RNASEH2C: variants seen among roughly 807,000 people sequenced by gnomAD.
RNASEH2C encodes the protein RNase H1 small subunit.
A neutral mutation model predicts 16.3 loss-of-function variants in RNASEH2C; 20 were observed. The ratio of observed to expected loss-of-function variants is 1.23; its 90% CI spans 0.86 to 1.79. The LOEUF is 1.79. Among genes scored for constraint, RNASEH2C ranks in the 40% most tolerant of loss-of-function variants. RNASEH2C has a pLI of 0.00. For synonymous variants in RNASEH2C, 106 were observed against 98.9 expected (o/e 1.07, Z -0.43); for missense variants, 296 against 235.9 (o/e 1.25, Z -1.67).
In RNASEH2C at chr11:65,719,322, G is replaced by C. The variant is rs1857317221; in HGVS notation, c.*461C>G. The C allele has an allele frequency of 3.8e-6, 4 of 1,044,108 alleles. No homozygotes were observed. The highest frequency in any genetic ancestry group is 4.1e-6 in the Non-Finnish European group (3 of 737,914). The allele number at this position is 1,044,108 out of a possible 1,614,324, so 64.7% of individuals were successfully genotyped here. On this transcript the variant is annotated 3_prime_UTR_variant, in exon 4 of 4. Transcript: ENST00000308418. ...CAAAAAGGAGAGGACAGGCCTGGCA[G>C]GGGCCCACTGGTGCCCAGCACCAAG...
chr11:65,720,507 T>TCCCCAGGAG, intron 1 of RNASEH2C, 80 bp downstream of exon 1: 1 of 1,570,632 alleles, frequency 6.4e-7, no homozygotes, highest in Non-Finnish European at 8.6e-7. Context: ...CGGACCACGA[T>TCCCCAGGAG]CCCCAGGAGC....
Position 65,719,657 on chromosome 11 carries a change from G to T in RNASEH2C, c.*126C>A. On this transcript the variant is annotated 3_prime_UTR_variant, in exon 4 of 4. Transcript: ENST00000308418. The stretch of plus-strand genomic sequence containing the variant: ...GGGGAAAGGGCCCATGCTGGCTTAG[G>T]GGCTCTAAGGCGCCCAGACTCACAG... 2 of 985,176 alleles carry T rather than the reference G, an allele frequency of 2.0e-6. No individual in the cohort carries two copies. The highest frequency in any genetic ancestry group is 1.3e-5 in the South Asian group (1 of 77,248). The allele number at this position is 985,176 out of a possible 1,614,324, so 61.0% of individuals were successfully genotyped here.
Position 65,720,683 on chromosome 11 carries a change from G to T in RNASEH2C, c.76C>A (p.Pro26Thr). Residue 26 changes from proline to threonine, a missense_variant, in exon 1 of 4, where the codon CCC (proline) becomes ACC (threonine). Physicochemically the swap from Pro to Thr is conservative, Grantham distance 38. Transcript: ENST00000308418. ...CAGGGCAGCAGATGCAGTGTGGCGG[G>T]TACGGCGTCGCGCAATGTGGCGGAG... ...LRSATLRDAV[P>T]ATLHLLPCEV... The T allele has an allele frequency of 2.5e-6, 4 of 1,589,288 alleles. No individual in the cohort carries two copies. The highest frequency in any genetic ancestry group is 3.4e-6 in the Non-Finnish European group (4 of 1,170,798).
chr11:65,720,249 C>T lies in RNASEH2C; in HGVS notation c.341G>A (p.Arg114Gln). The change falls in exon 2 of 4, where the codon CGG becomes CAG. Residue 114 changes from arginine to glutamine, a missense_variant. Physicochemically the swap from Arg to Gln is conservative, Grantham distance 43 (BLOSUM62 1). Coordinates refer to ENST00000308418, the MANE Select transcript of RNASEH2C (RefSeq NM_032193.4). ...CCCTATCCCTTTGCTCACGAAGTCC[C>T]GCTCCAGCGGCTCCTCCTCTTGGTC... ...TDDQEEEPLE[R>Q]DFDRFIGATA... The T allele has an allele frequency of 3.7e-6, 6 of 1,614,266 alleles. No individual in the cohort carries two copies. The highest frequency in any genetic ancestry group is 5.1e-6 in the Non-Finnish European group (6 of 1,180,056).
Position 65,719,816 on chromosome 11 carries a change from C to G in RNASEH2C, c.469-7G>C. On this transcript the variant is annotated splice_region_variant and splice_polypyrimidine_tract_variant and intron_variant, in intron 3 of 3. Coordinates refer to ENST00000308418, the MANE Select transcript of RNASEH2C (RefSeq NM_032193.4). ...CGGGCACCTGTGCGTGAATCTGCAACAGGAGTCGCCTCTACTGTTGGACTT... is the reference window on the plus strand; with the variant it reads ...CGGGCACCTGTGCGTGAATCTGCAAGAGGAGTCGCCTCTACTGTTGGACTT... The G allele has an allele frequency of 1.9e-6, 3 of 1,614,138 alleles. No homozygotes were observed. The South Asian group carries it at 3.3e-5, about 18-fold the overall frequency.
Position 65,719,279 on chromosome 11 carries a change from A to G in RNASEH2C, c.*504T>C. 1 of 1,424,234 alleles carries G rather than the reference A, an allele frequency of 7.0e-7. No homozygotes were observed. The highest frequency in any genetic ancestry group is 1.3e-5 in the South Asian group (1 of 78,354). The allele number at this position is 1,424,234 out of a possible 1,614,324, so 88.2% of individuals were successfully genotyped here. On this transcript the variant is annotated 3_prime_UTR_variant, in exon 4 of 4. Transcript: ENST00000308418. ...GCTCCCACAAAGCACTCTAAGGGAG[A>G]TGGGGCTGAGGACAGCTCAAAAAGG...
Position 65,718,574 on chromosome 11 carries a change from T to G in RNASEH2C, c.*1209A>C. 1 of 1,611,404 alleles carries G rather than the reference T, an allele frequency of 6.2e-7. No homozygotes were observed. The highest frequency in any genetic ancestry group is 8.5e-7 in the Non-Finnish European group (1 of 1,178,126). ...CTGTGACCTCTTACTCACCCTCTCC[T>G]GCTCCATTGCTTTAGGCTATGAACT... is the stretch of plus-strand genomic sequence containing the variant. On this transcript the variant is annotated 3_prime_UTR_variant, in exon 4 of 4. Transcript: ENST00000308418.
chr11:65,720,092 C>T lies in RNASEH2C; in HGVS notation c.421G>A (p.Asp141Asn), dbSNP rs1356785916. 3 of 1,614,092 alleles carry T rather than the reference C, an allele frequency of 1.9e-6. No individual in the cohort carries two copies. The highest frequency in any genetic ancestry group is 1.1e-5 in the South Asian group (1 of 91,096). ...GTTAAGGCCCCACGCACTTTGGCAT[C>T]CGGGCCAGGGATGGTCTCCAGACCC... ...LWGLETIPGP[D>N]AKVRGALTWP... is the part of the protein sequence containing the mutation. Residue 141 changes from aspartate to asparagine, a missense_variant, in exon 3 of 4, where the codon GAT becomes AAT. Coordinates refer to ENST00000308418, the MANE Select transcript of RNASEH2C (RefSeq NM_032193.4).
chr11:65,718,357 G>C lies in RNASEH2C; in HGVS notation c.*1426C>G. ...CCTCTGATCACCCTCATGGTTGACT[G>C]CAGCTGCTCCTCTCAGTGCCCTCAT... On this transcript the variant is annotated 3_prime_UTR_variant, in exon 4 of 4. Coordinates refer to ENST00000308418, the MANE Select transcript of RNASEH2C (RefSeq NM_032193.4). 2.0e-6 allele frequency: 1 copy of C among 488,716 alleles called. No individual in the cohort carries two copies. Among genetic ancestry groups the C allele is most frequent in the Non-Finnish European group, 3.7e-6 (1 of 271,830 alleles). 30.3% of individuals were successfully genotyped at this position (488,716 alleles called of 1,614,324 possible). A position where few individuals can be genotyped will look rare whatever the true frequency, so the allele number is the denominator to read the frequency against.
In RNASEH2C at chr11:65,719,708, G is replaced by A; in HGVS notation, c.*75C>T. On this transcript the variant is annotated 3_prime_UTR_variant, in exon 4 of 4. Transcript: ENST00000308418. ...GTGCTGTGAAGAGCTCCTTTATTGG[G>A]GTGATGGAATCGGTTCCAAAGAGCT... The A allele has an allele frequency of 6.7e-7, 1 of 1,503,340 alleles. No individual in the cohort carries two copies. Among genetic ancestry groups the A allele is most frequent in the Non-Finnish European group, 9.3e-7 (1 of 1,080,468 alleles). 93.1% of individuals were successfully genotyped at this position (1,503,340 alleles called of 1,614,324 possible). A position where few individuals can be genotyped will look rare whatever the true frequency, so the allele number is the denominator to read the frequency against.
At position 65,719,531 on chromosome 11, in the gene RNASEH2C, T is replaced by A; in HGVS notation, c.*252A>T. On this transcript the variant is annotated 3_prime_UTR_variant, in exon 4 of 4. Transcript: ENST00000308418. ...TGTAAAGTAGAAGTTGGGGGTGGGG[T>A]GGGTGCTGGCTGCAAAAATTTCTGG... is the stretch of plus-strand genomic sequence containing the variant. The A allele has an allele frequency of 1.6e-6, 1 of 613,160 alleles. No homozygotes were observed. The highest frequency in any genetic ancestry group is 2.9e-6 in the Non-Finnish European group (1 of 348,138). 38.0% of individuals were successfully genotyped at this position (613,160 alleles called of 1,614,324 possible).
chr11:65,719,240 C>G lies in RNASEH2C; in HGVS notation c.*543G>C. 6.3e-7 allele frequency: 1 copy of G among 1,580,136 alleles called. No homozygotes were observed. Among genetic ancestry groups the G allele is most frequent in the Non-Finnish European group, 8.6e-7 (1 of 1,160,148 alleles). On this transcript the variant is annotated 3_prime_UTR_variant, in exon 4 of 4. Transcript: ENST00000308418. ...GCAGGACTGGGGCTGATAGCCCACCCCGCCCCCACTGCAGCTCCCACAAAG... is the reference window on the plus strand; with the variant it reads ...GCAGGACTGGGGCTGATAGCCCACCGCGCCCCCACTGCAGCTCCCACAAAG...
Position 65,719,701 on chromosome 11 carries a change from T to G in RNASEH2C, c.*82A>C. ...CTCACAGGTGCTGTGAAGAGCTCCT[T>G]TATTGGGGTGATGGAATCGGTTCCA... On this transcript the variant is annotated 3_prime_UTR_variant, in exon 4 of 4. Transcript: ENST00000308418. 2.0e-6 allele frequency: 3 copies of G among 1,467,608 alleles called. No homozygotes were observed. The highest frequency in any genetic ancestry group is 1.9e-6 in the Non-Finnish European group (2 of 1,048,042). The allele number at this position is 1,467,608 out of a possible 1,614,324, so 90.9% of individuals were successfully genotyped here. A position where few individuals can be genotyped will look rare whatever the true frequency, so the allele number is the denominator to read the frequency against.
chr11:65,719,617 G>A lies in RNASEH2C; in HGVS notation c.*166C>T, dbSNP rs1732389521. 2.6e-6 allele frequency: 2 copies of A among 761,316 alleles called. No homozygotes were observed. Among genetic ancestry groups the A allele is most frequent in the Admixed American group, 2.0e-5 (1 of 49,602 alleles). The allele number at this position is 761,316 out of a possible 1,614,324, so 47.2% of individuals were successfully genotyped here. A position where few individuals can be genotyped will look rare whatever the true frequency, so the allele number is the denominator to read the frequency against. Reference sequence around the variant, plus strand: ...TTTCTATATGCCAGAGCCATGCAAAGTTCTTGGTGGGGAGGGGGAAAGGGC... The same window carrying A: ...TTTCTATATGCCAGAGCCATGCAAAATTCTTGGTGGGGAGGGGGAAAGGGC... On this transcript the variant is annotated 3_prime_UTR_variant, in exon 4 of 4. Coordinates refer to ENST00000308418, the MANE Select transcript of RNASEH2C (RefSeq NM_032193.4).
rs780848408 is a variant in RNASEH2C at position 65,720,151 on chromosome 11, C to T, written c.362G>A (p.Gly121Glu). The change falls in exon 3 of 4, where the codon GGA becomes GAA. Residue 121 changes from glycine (G) to glutamate (E), a missense_variant. By Grantham distance (98) the Gly-to-Glu change is moderately conservative (BLOSUM62 -2). Coordinates refer to ENST00000308418, the MANE Select transcript of RNASEH2C (RefSeq NM_032193.4). ...PLERDFDRFI[G>E]ATANFSRFTL... The stretch of plus-strand genomic sequence containing the variant: ...GAAGCGGCTGAAGTTGGCAGTGGCT[C>T]CAATGAAGCGGTCCTGGGGAAGGGG... The T allele has an allele frequency of 6.2e-7, 1 of 1,614,236 alleles. No individual in the cohort carries two copies.
In RNASEH2C at chr11:65,719,234, C is replaced by A. The variant is rs940052661; in HGVS notation, c.*549G>T. The A allele has an allele frequency of 1.3e-6, 2 of 1,588,134 alleles. No homozygotes were observed. The highest frequency in any genetic ancestry group is 1.7e-6 in the Non-Finnish European group (2 of 1,166,154). ...ACGGCAGCAGGACTGGGGCTGATAG[C>A]CCACCCCGCCCCCACTGCAGCTCCC... On this transcript the variant is annotated 3_prime_UTR_variant, in exon 4 of 4. Coordinates refer to ENST00000308418, the MANE Select transcript of RNASEH2C (RefSeq NM_032193.4).
chr11:65,719,202 T>C lies in RNASEH2C; in HGVS notation c.*581A>G. On this transcript the variant is annotated 3_prime_UTR_variant, in exon 4 of 4. Coordinates refer to ENST00000308418, the MANE Select transcript of RNASEH2C (RefSeq NM_032193.4). ...GGTGACCAGACACTGCCCACTGCAG[T>C]GCCAAGACGGCAGCAGGACTGGGGC... 6.2e-7 allele frequency: 1 copy of C among 1,611,570 alleles called. No individual in the cohort carries two copies. The highest frequency in any genetic ancestry group is 8.5e-7 in the Non-Finnish European group (1 of 1,179,094).
At position 65,719,296 on chromosome 11, in the gene RNASEH2C, T is replaced by C. The variant is rs1017007104; in HGVS notation, c.*487A>G. On this transcript the variant is annotated 3_prime_UTR_variant, in exon 4 of 4. Coordinates refer to ENST00000308418, the MANE Select transcript of RNASEH2C (RefSeq NM_032193.4). The stretch of plus-strand genomic sequence containing the variant: ...TAAGGGAGATGGGGCTGAGGACAGC[T>C]CAAAAAGGAGAGGACAGGCCTGGCA... 64 of 1,299,308 alleles carry C rather than the reference T, an allele frequency of 4.9e-5. No homozygotes were observed. Among genetic ancestry groups the C allele is most frequent in the Admixed American group, 1.2e-4 (5 of 43,288 alleles). 80.5% of individuals were successfully genotyped at this position (1,299,308 alleles called of 1,614,324 possible). A position where few individuals can be genotyped will look rare whatever the true frequency, so the allele number is the denominator to read the frequency against.
chr11:65,719,320 C>A lies in RNASEH2C; in HGVS notation c.*463G>T. 2 of 1,064,720 alleles carry A rather than the reference C, an allele frequency of 1.9e-6. No homozygotes were observed. Among genetic ancestry groups the A allele is most frequent in the Non-Finnish European group, 2.6e-6 (2 of 755,286 alleles). The allele number at this position is 1,064,720 out of a possible 1,614,324, so 66.0% of individuals were successfully genotyped here. A position where few individuals can be genotyped will look rare whatever the true frequency, so the allele number is the denominator to read the frequency against. ...CTCAAAAAGGAGAGGACAGGCCTGG[C>A]AGGGGCCCACTGGTGCCCAGCACCA... On this transcript the variant is annotated 3_prime_UTR_variant, in exon 4 of 4. Transcript: ENST00000308418.
Sources: gnomAD v4.1 joint callset for allele counts on GRCh38, gnomAD v4.1.1 for gene constraint, MANE v1.5 for transcripts, NCBI Gene and HGNC (gene_info 2026-07-23, HGNC 2026-07-21) for gene names.